ARHGEF38: variants seen among roughly 807,000 people sequenced by gnomAD.
The protein encoded by ARHGEF38 is Rho guanine nucleotide exchange factor 38.
Under a neutral mutation model 79.9 loss-of-function variants are expected in ARHGEF38, and 79 were observed. The ratio of observed to expected loss-of-function variants is 0.99; its 90% CI spans 0.82 to 1.19. The LOEUF (loss-of-function observed/expected upper bound fraction) is 1.19. Ranked by LOEUF, ARHGEF38 falls within the 50% of genes most tolerant of loss-of-function variation. ARHGEF38 has a pLI of 0.00. For synonymous variants in ARHGEF38, 366 were observed against 328.3 expected, an observed-to-expected ratio of 1.11 and a Z score of -1.24; for missense variants, 962 against 907.2, an observed-to-expected ratio of 1.06 and a Z score of -0.78.
chr4:105,588,039 A>C (rs1405293037), intron 1 of ARHGEF38, among the ~76,000 whole-genome samples: 1 of 152,160 alleles, frequency 6.6e-6, no homozygotes, highest in Non-Finnish European at 1.5e-5. Flanking sequence ...ATTACTTTTT[A>C]AAGTGTCTGT....
At chr4:105,606,173 C>T (rs1448884639) in intron 2 of ARHGEF38, among the ~76,000 whole-genome samples, 2 of 152,228 alleles carry the variant, frequency 1.3e-5, no homozygotes, top group South Asian at 2.1e-4. Flanking sequence ...GTAATTACTA[C>T]ATAAGTTCAG....
intron 1 of ARHGEF38, among the ~76,000 whole-genome samples, chr4:105,576,005 T>C (rs1355355742): frequency 6.6e-6 from 1 of 152,220 alleles, no homozygotes; most frequent in Non-Finnish European, 1.5e-5. Context: ...TCCCTTAGTC[T>C]ATCTGCCTCC....
rs535264007 is a variant in ARHGEF38 at position 105,658,355 on chromosome 4, G to C, written c.1234-699G>C. ...GCAGAGGCTGCAGTGAGCTGAGAAA[G>C]TGCCACTGCACTCCAGCCTGGGCGA... On this transcript the variant is annotated intron_variant, in intron 9 of 13. Transcript: ENST00000420470. Among the ~76,000 whole-genome samples the C allele has an allele frequency of 5.3e-5, 8 of 152,218 alleles. No individual in the cohort carries two copies. In the East Asian group the frequency reaches 1.5e-3, roughly 29 times the overall value.
rs924385630 is a variant in ARHGEF38, at chr4:105,630,941, T to A, written c.552T>A (p.Tyr184Ter). The change falls in exon 4 of 14, where the codon TAT becomes TAA. Residue 184 changes from tyrosine to a stop codon, truncating the protein, a stop_gained. Coordinates refer to ENST00000420470, the MANE Select transcript of ARHGEF38 (RefSeq NM_001242729.2). LOFTEE classifies it high-confidence loss of function. The part of the protein sequence containing the change: ...LQIKGPLEDI[Y>*]KIYCYHHDEA... ...TTAAAGGGCCACTGGAAGATATTTA[T>A]AAAATCTACTGCTATCACCATGATG... The A allele has an allele frequency of 3.1e-6, 5 of 1,612,526 alleles. No individual in the cohort carries two copies. Among genetic ancestry groups the A allele is most frequent in the Admixed American group, 1.7e-5 (1 of 59,764 alleles).
At chr4:105,604,439 C>A (rs948297231) in intron 2 of ARHGEF38, among the ~76,000 whole-genome samples, 1 of 152,160 alleles carries the variant, frequency 6.6e-6, no homozygotes. Flanking sequence ...TCTGTTTCAG[C>A]CTTCTTTTTT....
chr4:105,555,509 A>G (rs1429046686), intron 1 of ARHGEF38, among the ~76,000 whole-genome samples: 2 of 152,076 alleles, frequency 1.3e-5, no homozygotes. Flanking sequence ...GAAGCTCTTT[A>G]TTATTCAAAT....
chr4:105,553,216 A>G (rs189540624), intron 1 of ARHGEF38, among the ~76,000 whole-genome samples: 38 of 151,710 alleles, frequency 2.5e-4, no homozygotes, highest in Middle Eastern at 3.4e-3. Context: ...TTTCCTGGTG[A>G]GGGTAATCAT....
At chr4:105,602,206 A>C (rs912818412) in intron 2 of ARHGEF38, among the ~76,000 whole-genome samples, 4 of 152,138 alleles carry the variant, frequency 2.6e-5, no homozygotes, top group African/African-American at 9.7e-5. Context: ...ACATAGGGTA[A>C]GTTTAAAAAT....
At chr4:105,586,637 G>A (rs140664505) in intron 1 of ARHGEF38, among the ~76,000 whole-genome samples, 24 of 152,240 alleles carry the variant, frequency 1.6e-4, no homozygotes, top group East Asian at 9.7e-4. Flanking sequence ...CTTTGTCGAC[G>A]ATCAGGAAAA....
At chr4:105,673,256 C>T (rs1202665604) in intron 13 of ARHGEF38, among the ~76,000 whole-genome samples, 2 of 152,034 alleles carry the variant, frequency 1.3e-5, no homozygotes, top group Non-Finnish European at 1.5e-5. Flanking sequence ...TAGAATTCTG[C>T]CTTCCAGAGT....
chr4:105,580,336 T>G (rs1726725267), intron 1 of ARHGEF38, among the ~76,000 whole-genome samples: 1 of 152,186 alleles, frequency 6.6e-6, no homozygotes, highest in South Asian at 2.1e-4. Flanking sequence ...TTTCTAACTT[T>G]TCGATGTGGG....
At position 105,680,137 on chromosome 4, in the gene ARHGEF38, C is replaced by T. The variant is rs1731259397; in HGVS notation, c.*2200C>T. On this transcript the variant is annotated 3_prime_UTR_variant, in exon 14 of 14. Transcript: ENST00000420470. ...TTATAAAGGAGGAAATTGAGGACCT[C>T]ACATGGAGGGACTGGAATTTAAAAC... 2 of 678,766 alleles carry T rather than the reference C, an allele frequency of 2.9e-6. No homozygotes were observed. The highest frequency in any genetic ancestry group is 5.5e-6 in the Non-Finnish European group (2 of 360,724). The allele number at this position is 678,766 out of a possible 1,614,324, so 42.0% of individuals were successfully genotyped here.
Position 105,651,866 on chromosome 4 carries a change from T to C in ARHGEF38, c.1009-2199T>C, listed in dbSNP as rs1235300519. On this transcript the variant is annotated intron_variant, in intron 7 of 13. Coordinates refer to ENST00000420470, the MANE Select transcript of ARHGEF38 (RefSeq NM_001242729.2). ...CTGAGATGTGAATCCAGATGAGCTC[T>C]GCTTCATAAGATCCTTCAGGAACCC... Among the ~76,000 whole-genome samples, 7 of 152,364 alleles carry C rather than the reference T, an allele frequency of 4.6e-5. No homozygotes were observed. The East Asian group carries it at 1.3e-3, about 29-fold the overall frequency.
Position 105,678,402 on chromosome 4 carries a change from T to G in ARHGEF38, c.*465T>G, listed in dbSNP as rs1486797744. 1 of 152,964 alleles carries G rather than the reference T, an allele frequency of 6.5e-6. No homozygotes were observed. The highest frequency in any genetic ancestry group is 1.5e-5 in the Non-Finnish European group (1 of 68,572). 9.5% of individuals were successfully genotyped at this position (152,964 alleles called of 1,614,324 possible). A position where few individuals can be genotyped will look rare whatever the true frequency, so the allele number is the denominator to read the frequency against. On this transcript the variant is annotated 3_prime_UTR_variant, in exon 14 of 14. Coordinates refer to ENST00000420470, the MANE Select transcript of ARHGEF38 (RefSeq NM_001242729.2). ...TATTATGTAGCTTTATACACGTATG[T>G]GGATAATATGAATTATACACCTATA...
chr4:105,612,199 C>A (rs1335663821), intron 2 of ARHGEF38, among the ~76,000 whole-genome samples: 2 of 152,090 alleles, frequency 1.3e-5, no homozygotes, highest in African/African-American at 4.8e-5. Context: ...ACCCCACACA[C>A]ACCTGAAGAA....
In ARHGEF38 at chr4:105,662,342, C is replaced by A. The variant is rs1327458425; in HGVS notation, c.1545+2977C>A. Among the ~76,000 whole-genome samples, 4 of 151,942 alleles carry A rather than the reference C, an allele frequency of 2.6e-5. No individual in the cohort carries two copies. The South Asian group carries it at 8.3e-4, about 32-fold the overall frequency. On this transcript the variant is annotated intron_variant, in intron 10 of 13. Transcript: ENST00000420470. ...AGATAAAAATTGAGACTACTTTTTCCAAGTTAACCTTTGTCTTTGACTTCA... is the reference window on the plus strand; with the variant it reads ...AGATAAAAATTGAGACTACTTTTTCAAAGTTAACCTTTGTCTTTGACTTCA...
At chr4:105,650,785 T>C (rs1395069309) in intron 7 of ARHGEF38, among the ~76,000 whole-genome samples, 1 of 152,236 alleles carries the variant, frequency 6.6e-6, no homozygotes, top group Non-Finnish European at 1.5e-5. Flanking sequence ...TACTCCTTAA[T>C]ATCCTTCTAG....
chr4:105,628,380 C>T (rs867940245), intron 3 of ARHGEF38, among the ~76,000 whole-genome samples: 5 of 152,222 alleles, frequency 3.3e-5, no homozygotes, highest in Admixed American at 2.6e-4. Context: ...ACCAGTCCCA[C>T]TTCTGGGCCC....
At chr4:105,599,688 T>C (rs1354940244) in intron 2 of ARHGEF38, among the ~76,000 whole-genome samples, 1 of 152,160 alleles carries the variant, frequency 6.6e-6, no homozygotes, top group Non-Finnish European at 1.5e-5. Flanking sequence ...TGCATATCAG[T>C]ACAGGGCGAT....
Sources: allele counts gnomAD v4.1 joint callset (sites outside exome capture counted in the v4.1 genomes callset), GRCh38; gene constraint gnomAD v4.1.1; transcripts MANE v1.5; gene names NCBI Gene and HGNC (gene_info 2026-07-23, HGNC 2026-07-21).